The following DGKB variants were observed in gnomAD, a reference collection of about 807,000 sequenced individuals.
DGKB encodes diacylglycerol kinase beta, also known as 90 kDa diacylglycerol kinase.
DGKB carries 67 observed loss-of-function variants against 114.3 expected under a neutral mutation model. The observed-to-expected ratio is 0.59, with a 90% confidence interval of 0.48 to 0.72. The LOEUF is 0.72. Among genes scored for constraint, DGKB ranks in the 30% least tolerant of loss-of-function variants. DGKB has a pLI of 0.00. For missense variants in DGKB, 907 were observed against 975.2 expected (o/e 0.93, Z 0.93); for synonymous variants, 398 against 323.1 (o/e 1.23, Z -2.49).
chr7:14,266,843 A>C (rs1383598017), intron 23 of DGKB, among the ~76,000 whole-genome samples: 1 of 152,174 alleles, frequency 6.6e-6, no homozygotes, highest in Non-Finnish European at 1.5e-5. Context: ...TCTGTAACCA[A>C]TTTCTTTGAT....
intron 21 of DGKB, among the ~76,000 whole-genome samples, chr7:14,419,697 C>T (rs1336388355): frequency 6.6e-6 from 1 of 151,058 alleles, no homozygotes; most frequent in African/African-American, 2.4e-5. Flanking sequence ...GAGCAGGAAA[C>T]AGTGAACAAT....
At chr7:14,372,732 T>C (rs1242892171) in intron 21 of DGKB, among the ~76,000 whole-genome samples, 1 of 152,144 alleles carries the variant, frequency 6.6e-6, no homozygotes, top group African/African-American at 2.4e-5. Context: ...TAGGGGCTCA[T>C]ATACTTTCCT....
intron 13 of DGKB, among the ~76,000 whole-genome samples, chr7:14,640,532 C>A (rs1319610022): frequency 2.0e-5 from 3 of 152,104 alleles, no homozygotes. Context: ...AACAGAATTT[C>A]AACTGATAGA....
intron 23 of DGKB, among the ~76,000 whole-genome samples, chr7:14,213,023 T>C (rs150457008): frequency 6.6e-6 from 1 of 152,200 alleles, no homozygotes; most frequent in African/African-American, 2.4e-5. Flanking sequence ...AATTATGAAA[T>C]ATATTCATTC....
chr7:14,877,575 G>A (rs961772894), intron 1 of DGKB, among the ~76,000 whole-genome samples: 3 of 152,114 alleles, frequency 2.0e-5, no homozygotes, highest in Non-Finnish European at 4.4e-5. Context: ...AAAACAGAAA[G>A]AAAAGTAAAG....
chr7:14,352,735 C>T (rs201883305), intron 21 of DGKB, among the ~76,000 whole-genome samples: 2 of 151,962 alleles, frequency 1.3e-5, no homozygotes, highest in African/African-American at 4.8e-5. Context: ...GCAGCCTGAC[C>T]AACATGGTGA....
At chr7:14,249,456 A>G (rs1487904953) in intron 23 of DGKB, among the ~76,000 whole-genome samples, 1 of 152,152 alleles carries the variant, frequency 6.6e-6, no homozygotes, top group Non-Finnish European at 1.5e-5. Flanking sequence ...TCACCAGTGA[A>G]GCCATCAGTT....
At chr7:14,809,062 A>G (rs1037557920) in intron 2 of DGKB, among the ~76,000 whole-genome samples, 4 of 152,180 alleles carry the variant, frequency 2.6e-5, no homozygotes, top group Non-Finnish European at 4.4e-5. Flanking sequence ...TGAGAAAGTG[A>G]TAACTTTAAT....
intron 2 of DGKB, among the ~76,000 whole-genome samples, chr7:14,818,274 A>T (rs1197586544): frequency 6.6e-6 from 1 of 152,218 alleles, no homozygotes; most frequent in Admixed American, 6.5e-5. Context: ...TTCCAGAAAT[A>T]TAAATAAAAT....
intron 20 of DGKB, among the ~76,000 whole-genome samples, chr7:14,501,522 C>G (rs890213254): frequency 4.0e-5 from 6 of 151,842 alleles, no homozygotes; most frequent in African/African-American, 1.5e-4. Context: ...GGTGGAGAAA[C>G]TTGCTTAATG....
At chr7:14,699,846 T>C (rs1017068510) in intron 7 of DGKB, among the ~76,000 whole-genome samples, 1 of 151,950 alleles carries the variant, frequency 6.6e-6, no homozygotes, top group Non-Finnish European at 1.5e-5. Flanking sequence ...ATTGGGACTA[T>C]AGTTCTAAAT....
chr7:14,702,971 G>T (rs1825468953), intron 6 of DGKB, among the ~76,000 whole-genome samples: 1 of 152,156 alleles, frequency 6.6e-6, no homozygotes, highest in South Asian at 2.1e-4. Flanking sequence ...TCTGTCTATT[G>T]ACTTAAGGGC....
At chr7:14,864,408 A>G (rs1462816111) in intron 1 of DGKB, among the ~76,000 whole-genome samples, 2 of 152,114 alleles carry the variant, frequency 1.3e-5, no homozygotes, top group African/African-American at 4.8e-5. Context: ...TTCAATCAAT[A>G]TGTCTTTATG....
chr7:14,708,903 G>C (rs1020170414), intron 6 of DGKB, among the ~76,000 whole-genome samples: 1 of 151,156 alleles, frequency 6.6e-6, no homozygotes, highest in Non-Finnish European at 1.5e-5. Context: ...ACATAGGCAT[G>C]GGCAAGGACT....
chr7:14,719,643 G>T (rs188044213), intron 5 of DGKB, among the ~76,000 whole-genome samples: 6 of 152,034 alleles, frequency 3.9e-5, no homozygotes, highest in Non-Finnish European at 7.4e-5. Context: ...TCTTAGCACA[G>T]ATCTACCTGA....
At position 14,146,835 on chromosome 7, in the gene DGKB, TCCCA is replaced by T. The variant is rs1781527624; in HGVS notation, c.*2292_*2295del. The T allele has an allele frequency of 6.6e-6, 1 of 152,122 alleles. No individual in the cohort carries two copies. Among genetic ancestry groups the T allele is most frequent in the Non-Finnish European group, 1.5e-5 (1 of 67,990 alleles). The allele number at this position is 152,122 out of a possible 1,614,324, so 9.4% of individuals were successfully genotyped here. ...ACAGCTACACTGAAGTGAAGCTGCATCCCATTATTTCAATCATTGAAATCTTATA... is the reference window on the plus strand; with the variant it reads ...ACAGCTACACTGAAGTGAAGCTGCATTTATTTCAATCATTGAAATCTTATA... On this transcript the variant is annotated 3_prime_UTR_variant, in exon 26 of 26. Transcript: ENST00000402815.
At chr7:14,698,595 G>C (rs560620063) in intron 7 of DGKB, among the ~76,000 whole-genome samples, 1 of 152,076 alleles carries the variant, frequency 6.6e-6, no homozygotes, top group Non-Finnish European at 1.5e-5. Context: ...GATACACTGA[G>C]AATATACATT....
rs1781596174 is a variant in DGKB, at chr7:14,147,433, CA to C, written c.*1697del. On this transcript the variant is annotated 3_prime_UTR_variant, in exon 26 of 26. Coordinates refer to ENST00000402815, the MANE Select transcript of DGKB (RefSeq NM_001350709.2). The stretch of plus-strand genomic sequence containing the variant: ...CTTTGTACGTAATCTTCCATTATAG[CA>C]CATTGCTTGAGAGCAGCTATTTGAT... 1 of 152,110 alleles carries C rather than the reference CA, an allele frequency of 6.6e-6. No homozygotes were observed. Among genetic ancestry groups the C allele is most frequent in the Admixed American group, 6.6e-5 (1 of 15,264 alleles). The allele number at this position is 152,110 out of a possible 1,614,324, so 9.4% of individuals were successfully genotyped here. A position where few individuals can be genotyped will look rare whatever the true frequency, so the allele number is the denominator to read the frequency against.
chr7:14,756,619 T>C (rs1834910811), intron 3 of DGKB, among the ~76,000 whole-genome samples: 1 of 151,822 alleles, frequency 6.6e-6, no homozygotes, highest in African/African-American at 2.4e-5. Context: ...CTACGAGAAA[T>C]ACTGATAGGA....
Sources: allele counts gnomAD v4.1 joint callset (sites outside exome capture counted in the v4.1 genomes callset), GRCh38; gene constraint gnomAD v4.1.1; transcripts MANE v1.5; gene names NCBI Gene and HGNC (gene_info 2026-07-23, HGNC 2026-07-21).